Variants in MEGF10 observed in about 807,000 individuals in gnomAD.
MEGF10 encodes multiple epidermal growth factor-like domains protein 10.
A neutral mutation model predicts 147.5 loss-of-function variants in MEGF10; 86 were observed. That is an observed-to-expected ratio of 0.58 (90% CI 0.49 to 0.70). The LOEUF (loss-of-function observed/expected upper bound fraction) is 0.70, where lower values mean the gene tolerates loss of function less well. MEGF10 is among the 30% of genes least tolerant of loss of function. The pLI, the probability that MEGF10 is intolerant of heterozygous loss-of-function variation, is 0.00. For missense variants in MEGF10, 1,329 were observed against 1,487.3 expected, an observed-to-expected ratio of 0.89 and a Z score of 1.75; for synonymous variants, 478 against 525.5, an observed-to-expected ratio of 0.91 and a Z score of 1.24.
At chr5:127,412,187 T>C (rs1764596869) in intron 9 of MEGF10, among the ~76,000 whole-genome samples, 1 of 152,246 alleles carries the variant, frequency 6.6e-6, no homozygotes, top group Admixed American at 6.5e-5. Context: ...CTAAAATCTG[T>C]CTAATATTGT....
At chr5:127,268,348 A>C in the MEGF10 span, among the ~76,000 whole-genome samples, 1 of 152,324 alleles carries the variant, frequency 6.6e-6, no homozygotes, top group African/African-American at 2.4e-5. Flanking sequence ...CTAAGTGGTC[A>C]GTTTTGGAAT....
the MEGF10 span, among the ~76,000 whole-genome samples, chr5:127,267,033 A>G: frequency 6.6e-6 from 1 of 152,214 alleles, no homozygotes; most frequent in Non-Finnish European, 1.5e-5. Flanking sequence ...GTTTTTGTCC[A>G]TTCAGTATGA....
chr5:127,346,763 T>C (rs1401307204), intron 4 of MEGF10, among the ~76,000 whole-genome samples: 1 of 152,108 alleles, frequency 6.6e-6, no homozygotes, highest in African/African-American at 2.4e-5. Context: ...TGCTTTTGCG[T>C]TCTTGGTCAT....
At chr5:127,373,212 G>C (rs966531131) in intron 5 of MEGF10, among the ~76,000 whole-genome samples, 1 of 152,242 alleles carries the variant, frequency 6.6e-6, no homozygotes, top group Non-Finnish European at 1.5e-5. Flanking sequence ...GAGTGCAATG[G>C]CTGATCTTGG....
At chr5:127,329,917 G>A (rs895039745) in intron 1 of MEGF10, among the ~76,000 whole-genome samples, 3 of 152,152 alleles carry the variant, frequency 2.0e-5, no homozygotes, top group East Asian at 1.9e-4. Context: ...TTACACACCC[G>A]GGCCTGGCGC....
the MEGF10 span, among the ~76,000 whole-genome samples, chr5:127,260,981 G>A: frequency 3.3e-5 from 5 of 152,140 alleles, no homozygotes; most frequent in East Asian, 7.7e-4. Context: ...GTACAGTACA[G>A]GAACTGTAGT....
intron 5 of MEGF10, among the ~76,000 whole-genome samples, chr5:127,374,393 G>A (rs1762950159): frequency 6.6e-6 from 1 of 152,168 alleles, no homozygotes; most frequent in African/African-American, 2.4e-5. Context: ...TTTTTGTAGA[G>A]CAGGCAATGA....
At chr5:127,434,212 T>C (rs1765480060) in intron 14 of MEGF10, among the ~76,000 whole-genome samples, 1 of 152,228 alleles carries the variant, frequency 6.6e-6, no homozygotes, top group Non-Finnish European at 1.5e-5. Context: ...TCGATTACAG[T>C]CATTAACCTG....
chr5:127,311,886 C>T (rs1289712513), intron 1 of MEGF10, among the ~76,000 whole-genome samples: 1 of 152,138 alleles, frequency 6.6e-6, no homozygotes, highest in African/African-American at 2.4e-5. Flanking sequence ...CAAAAAGAAT[C>T]ATTTTTATTC....
chr5:127,433,240 C>A, intron 13 of MEGF10, 123 bp from the exon 14 acceptor site: 1 of 1,110,172 alleles, frequency 9.0e-7, no homozygotes, highest in Non-Finnish European at 1.3e-6. Flanking sequence ...GGTAACTCTC[C>A]ATTCATTGCT....
the MEGF10 span, among the ~76,000 whole-genome samples, chr5:127,264,171 G>C: frequency 7.3e-3 from 1,103 of 152,130 alleles, 12 homozygotes; most frequent in African/African-American, 0.025. Context: ...TACAGAAAAG[G>C]AAAACACTAT....
intron 4 of MEGF10, among the ~76,000 whole-genome samples, chr5:127,369,591 A>T (rs1306124976): frequency 6.6e-6 from 1 of 152,236 alleles, no homozygotes; most frequent in Non-Finnish European, 1.5e-5. Flanking sequence ...TCTGAAACAA[A>T]AAGGAATATT....
At chr5:127,417,400 G>A (rs777300446) in intron 9 of MEGF10, among the ~76,000 whole-genome samples, 7 of 152,204 alleles carry the variant, frequency 4.6e-5, no homozygotes, top group African/African-American at 9.7e-5. Context: ...AAAGGATGTG[G>A]TTGTAATACA....
chr5:127,347,612 A>G (rs1292690703), intron 4 of MEGF10, among the ~76,000 whole-genome samples: 1 of 152,110 alleles, frequency 6.6e-6, no homozygotes, highest in African/African-American at 2.4e-5. Context: ...TCTGCTTTCA[A>G]CATATAACCA....
At chr5:127,316,215 T>G (rs769522288) in intron 1 of MEGF10, among the ~76,000 whole-genome samples, 14 of 152,198 alleles carry the variant, frequency 9.2e-5, no homozygotes, top group Non-Finnish European at 1.3e-4. Flanking sequence ...CCCTCCTGGA[T>G]GCTCCCTTGC....
chr5:127,450,858 A>C (rs1766130152), intron 22 of MEGF10, among the ~76,000 whole-genome samples: 1 of 152,040 alleles, frequency 6.6e-6, no homozygotes. Flanking sequence ...TTCTGGATTC[A>C]AGTGATTCTC....
chr5:127,298,508 A>C (rs773603451), intron 1 of MEGF10, among the ~76,000 whole-genome samples: 2 of 152,200 alleles, frequency 1.3e-5, no homozygotes, highest in Non-Finnish European at 2.9e-5. Context: ...AGGCACGAGA[A>C]TCACCTGCAG....
chr5:127,246,993 TATATATATATATATAG>T, the MEGF10 span, among the ~76,000 whole-genome samples: 2 of 15,112 alleles, frequency 1.3e-4, no homozygotes, highest in African/African-American at 3.5e-4. Flanking sequence ...AGAATATATA[TATATATATATATATAG>T]ACACACCATA....
In MEGF10 at chr5:127,440,766, A is replaced by C; in HGVS notation, c.2261A>C (p.Asp754Ala). The C allele has an allele frequency of 6.2e-7, 1 of 1,614,084 alleles. No individual in the cohort carries two copies. The highest frequency in any genetic ancestry group is 8.5e-7 in the Non-Finnish European group (1 of 1,179,968). Residue 754 changes from aspartate (D) to alanine (A), a missense_variant, in exon 18 of 25, where the codon GAT (aspartate) becomes GCT (alanine). Coordinates refer to ENST00000503335, the MANE Select transcript of MEGF10 (RefSeq NM_001256545.2). ...QRCPLGFYGKDCALICQCQNG... is the reference protein window; with the variant it reads ...QRCPLGFYGKACALICQCQNG... ...TGTCCTCTAGGGTTTTATGGAAAAG[A>C]TTGTGCACTGATATGCCAATGTCAA...
Sources: allele counts gnomAD v4.1 joint callset (sites outside exome capture counted in the v4.1 genomes callset), GRCh38; gene constraint gnomAD v4.1.1; transcripts MANE v1.5; gene names NCBI Gene and HGNC (gene_info 2026-07-23, HGNC 2026-07-21).